NDUFB5: variants seen among roughly 807,000 people sequenced by gnomAD.
NDUFB5 encodes NADH dehydrogenase [ubiquinone] 1 beta subcomplex subunit 5, mitochondrial.
Under a neutral mutation model 19.4 loss-of-function variants are expected in NDUFB5, and 19 were observed. That is an observed-to-expected ratio of 0.98 (90% CI 0.68 to 1.43). The LOEUF is 1.43. Ranked by LOEUF, NDUFB5 falls within the 40% of genes most tolerant of loss-of-function variation. The pLI, the probability that NDUFB5 is intolerant of heterozygous loss-of-function variation, is 0.00. For synonymous variants in NDUFB5, 80 were observed against 82.6 expected, an observed-to-expected ratio of 0.97 and a Z score of 0.17; for missense variants, 233 against 236.5, an observed-to-expected ratio of 0.99 and a Z score of 0.10.
intron 5 of NDUFB5, 98 bp from the exon 6 acceptor site, chr3:179,623,822 T>G (rs1719596163): frequency 2.7e-6 from 4 of 1,470,802 alleles, no homozygotes; most frequent in African/African-American, 2.8e-5. Context: ...ATACTTTACA[T>G]AAAAGCAGAC....
At position 179,605,210 on chromosome 3, in the gene NDUFB5, A is replaced by G. The variant is rs115889808; in HGVS notation, c.124+271A>G. Among the ~76,000 whole-genome samples the G allele has an allele frequency of 4.4e-3, 666 of 152,336 alleles. 5 individuals are homozygous for G. Among genetic ancestry groups the G allele is most frequent in the African/African-American group, 0.015 (639 of 41,574 alleles). ...GATGAAGCTGAGTCTAGAAAGGTAT[A>G]GAGCTGAGATCTGTATCTCTAGGGC... On this transcript the variant is annotated intron_variant, in intron 1 of 5. Transcript: ENST00000259037.
intron 5 of NDUFB5, among the ~76,000 whole-genome samples, chr3:179,620,377 A>C (rs1218687443): frequency 7.3e-5 from 11 of 151,634 alleles, no homozygotes; most frequent in Non-Finnish European, 1.5e-4. Flanking sequence ...TTTTTGTATA[A>C]GGTGTAAGGA....
intron 1 of NDUFB5, among the ~76,000 whole-genome samples, chr3:179,605,995 T>G (rs976976130): frequency 3.9e-5 from 6 of 152,276 alleles, no homozygotes; most frequent in East Asian, 1.9e-4. Context: ...TTTCACCATG[T>G]TGGCCAGGCT....
chr3:179,615,037 A>G lies in NDUFB5; in HGVS notation c.191A>G (p.Asp64Gly). 6.2e-7 allele frequency: 1 copy of G among 1,607,028 alleles called. No individual in the cohort carries two copies. The highest frequency in any genetic ancestry group is 1.7e-4 in the Middle Eastern group (1 of 6,030). Residue 64 changes from aspartate to glycine, a missense_variant, in exon 2 of 6, where the codon GAC (aspartate) becomes GGC (glycine). Physicochemically the swap from Asp to Gly is moderately conservative, Grantham distance 94 (BLOSUM62 -1). Coordinates refer to ENST00000259037, the MANE Select transcript of NDUFB5 (RefSeq NM_002492.4). ...LFVIRPSRFYDRRFLKLLRFY... is the reference protein window; with the variant it reads ...LFVIRPSRFYGRRFLKLLRFY... ...GTCATCAGACCTTCTAGATTCTATG[A>G]CAGGCGTTTTTTGAAGTTATTGGTA...
Position 179,623,227 on chromosome 3 carries a change from C to A in NDUFB5, c.450-693C>A, listed in dbSNP as rs1719582037. Among the ~76,000 whole-genome samples the A allele has an allele frequency of 1.3e-5, 2 of 152,112 alleles. 1 individual carries two copies. The highest frequency in any genetic ancestry group is 4.1e-4 in the South Asian group (2 of 4,836). ...TCCTAACACCTGGCACAGCATATGGCCATAGTAGTAGACATTCTGTAAATG... is the reference window on the plus strand; with the variant it reads ...TCCTAACACCTGGCACAGCATATGGACATAGTAGTAGACATTCTGTAAATG... On this transcript the variant is annotated intron_variant, in intron 5 of 5. Coordinates refer to ENST00000259037, the MANE Select transcript of NDUFB5 (RefSeq NM_002492.4).
At position 179,625,030 on chromosome 3, in the gene NDUFB5, T is replaced by C. The variant is rs1010415328; in HGVS notation, c.*990T>C. On this transcript the variant is annotated 3_prime_UTR_variant, in exon 6 of 6. Transcript: ENST00000259037. ...GTCTTGAACTTCTGACCTCAGGTGATTGGCCTGTCTCCACTTCCCAAAGTG... is the reference window on the plus strand; with the variant it reads ...GTCTTGAACTTCTGACCTCAGGTGACTGGCCTGTCTCCACTTCCCAAAGTG... 6.6e-6 allele frequency: 1 copy of C among 152,146 alleles called. No homozygotes were observed. Among genetic ancestry groups the C allele is most frequent in the Non-Finnish European group, 1.5e-5 (1 of 68,034 alleles). The allele number at this position is 152,146 out of a possible 1,614,324, so 9.4% of individuals were successfully genotyped here.
chr3:179,610,876 A>C (rs1719221784), intron 1 of NDUFB5, among the ~76,000 whole-genome samples: 1 of 152,258 alleles, frequency 6.6e-6, no homozygotes, highest in African/African-American at 2.4e-5. Context: ...AAGAGTATTA[A>C]TATGGATGTA....
At chr3:179,616,260 C>T (rs371523398) in intron 3 of NDUFB5, among the ~76,000 whole-genome samples, 8 of 152,126 alleles carry the variant, frequency 5.3e-5, no homozygotes, top group South Asian at 4.1e-4. Context: ...CTATAATCCT[C>T]GGCCAGGCAC....
chr3:179,621,063 T>G (rs2108403198), intron 5 of NDUFB5, among the ~76,000 whole-genome samples: 1 of 152,232 alleles, frequency 6.6e-6, no homozygotes, highest in Middle Eastern at 3.4e-3. Context: ...ATCTATTAAT[T>G]GTGTGTATTT....
chr3:179,625,380 C>T lies in NDUFB5; in HGVS notation c.*1340C>T, dbSNP rs1040378184. The T allele has an allele frequency of 3.3e-5, 5 of 152,138 alleles. No homozygotes were observed. The highest frequency in any genetic ancestry group is 5.9e-5 in the Non-Finnish European group (4 of 68,010). 9.4% of individuals were successfully genotyped at this position (152,138 alleles called of 1,614,324 possible). A position where few individuals can be genotyped will look rare whatever the true frequency, so the allele number is the denominator to read the frequency against. On this transcript the variant is annotated 3_prime_UTR_variant, in exon 6 of 6. Transcript: ENST00000259037. ...GAGAAATAATTTTTTGCTGCCTAAACACACAAGTGAATTGAAAAGCCACAG... is the reference window on the plus strand; with the variant it reads ...GAGAAATAATTTTTTGCTGCCTAAATACACAAGTGAATTGAAAAGCCACAG...
At chr3:179,616,123 A>C in intron 3 of NDUFB5, 74 bp downstream of exon 3, 1 of 1,039,616 alleles carries the variant, frequency 9.6e-7, no homozygotes, top group Non-Finnish European at 1.4e-6. Context: ...TAATATAAAA[A>C]AGAAATTATG....
chr3:179,626,707 A>T lies in NDUFB5; in HGVS notation c.*2667A>T, dbSNP rs1210146681. Reference sequence around the variant, plus strand: ...CACCACACCCAGCTAATTTTTTTGTATTTTTAGTAGAGAGGGGGTGTCACC... The same window carrying T: ...CACCACACCCAGCTAATTTTTTTGTTTTTTTAGTAGAGAGGGGGTGTCACC... On this transcript the variant is annotated 3_prime_UTR_variant, in exon 6 of 6. Coordinates refer to ENST00000259037, the MANE Select transcript of NDUFB5 (RefSeq NM_002492.4). 2 of 151,754 alleles carry T rather than the reference A, an allele frequency of 1.3e-5. No individual in the cohort carries two copies. The highest frequency in any genetic ancestry group is 1.3e-4 in the Admixed American group (2 of 15,224). 9.4% of individuals were successfully genotyped at this position (151,754 alleles called of 1,614,324 possible).
At chr3:179,611,646 C>T (rs943943524) in intron 1 of NDUFB5, among the ~76,000 whole-genome samples, 11 of 152,066 alleles carry the variant, frequency 7.2e-5, no homozygotes, top group South Asian at 2.1e-4. Flanking sequence ...GTGATCCGCC[C>T]GCCTCAGCCT....
rs774523127 is a variant in NDUFB5 at position 179,604,824 on chromosome 3, C to T, written c.9C>T (p.Ala3=). The change falls in exon 1 of 6, where the codon GCC becomes GCT. Residue 3 remains alanine, a synonymous_variant. Transcript: ENST00000259037. MA[A]MSLLRRVSVT... ...TCCTGCCCGTAGTAGCCATGGCGGC[C>T]ATGAGTTTGTTGCGGCGGGTTTCGG... The T allele has an allele frequency of 1.2e-6, 2 of 1,607,782 alleles. No homozygotes were observed. The highest frequency in any genetic ancestry group is 2.7e-5 in the African/African-American group (2 of 74,378).
Position 179,625,233 on chromosome 3 carries a change from A to G in NDUFB5, c.*1193A>G, listed in dbSNP as rs1308131256. On this transcript the variant is annotated 3_prime_UTR_variant, in exon 6 of 6. Coordinates refer to ENST00000259037, the MANE Select transcript of NDUFB5 (RefSeq NM_002492.4). The stretch of plus-strand genomic sequence containing the variant: ...TTACCATAAACATTCAGGATTTTCA[A>G]ACCTGTAACAGCTTATCAATGCATC... 4 of 152,190 alleles carry G rather than the reference A, an allele frequency of 2.6e-5. No homozygotes were observed. The highest frequency in any genetic ancestry group is 7.2e-5 in the African/African-American group (3 of 41,444). The allele number at this position is 152,190 out of a possible 1,614,324, so 9.4% of individuals were successfully genotyped here.
intron 1 of NDUFB5, among the ~76,000 whole-genome samples, chr3:179,611,161 A>G (rs555277501): frequency 1.3e-5 from 2 of 152,216 alleles, no homozygotes; most frequent in African/African-American, 2.4e-5. Context: ...GAGCAATATC[A>G]GGAGTGTGTT....
In NDUFB5 at chr3:179,618,394, T is replaced by G. The variant is rs188596060; in HGVS notation, c.343-21T>G. The G allele has an allele frequency of 8.1e-4, 1,219 of 1,507,452 alleles. 8 individuals are homozygous for G. The highest frequency in any genetic ancestry group is 1.6e-4 in the Non-Finnish European group (174 of 1,097,638). The allele number at this position is 1,507,452 out of a possible 1,614,324, so 93.4% of individuals were successfully genotyped here. On this transcript the variant is annotated intron_variant, in intron 4 of 5. Coordinates refer to ENST00000259037, the MANE Select transcript of NDUFB5 (RefSeq NM_002492.4). The stretch of plus-strand genomic sequence containing the variant: ...GTATTATTCAGAAATGGACTAATAT[T>G]AAACGAATTTTCTCTTGTAGCATCC...
At chr3:179,622,827 C>G (rs1341989491) in intron 5 of NDUFB5, among the ~76,000 whole-genome samples, 1 of 152,096 alleles carries the variant, frequency 6.6e-6, no homozygotes, top group East Asian at 1.9e-4. Flanking sequence ...CTATGAAAAA[C>G]TATGTATTCT....
Position 179,624,128 on chromosome 3 carries a change from A to G in NDUFB5, c.*88A>G, listed in dbSNP as rs1253349390. 8.2e-7 allele frequency: 1 copy of G among 1,224,864 alleles called. No individual in the cohort carries two copies. The highest frequency in any genetic ancestry group is 2.8e-5 in the Admixed American group (1 of 36,058). 75.9% of individuals were successfully genotyped at this position (1,224,864 alleles called of 1,614,324 possible). On this transcript the variant is annotated 3_prime_UTR_variant, in exon 6 of 6. Transcript: ENST00000259037. ...TCTGTATTTTTGCTCTCCGTGAAAAACAAAAGAGCCTCTGACATTACTGTC... is the reference window on the plus strand; with the variant it reads ...TCTGTATTTTTGCTCTCCGTGAAAAGCAAAAGAGCCTCTGACATTACTGTC...
Sources: allele counts gnomAD v4.1 joint callset (sites outside exome capture counted in the v4.1 genomes callset), GRCh38; gene constraint gnomAD v4.1.1; transcripts MANE v1.5; gene names NCBI Gene and HGNC (gene_info 2026-07-23, HGNC 2026-07-21).